The following CEP128 variants were observed in gnomAD, a reference collection of about 807,000 sequenced individuals.
CEP128 encodes the protein centrosomal protein 128, also known as centrosomal protein 128kDa.
In CEP128, 132 loss-of-function variants were observed where a neutral mutation model predicts 156.7. The ratio of observed to expected loss-of-function variants is 0.84; its 90% CI spans 0.73 to 0.97. The LOEUF (loss-of-function observed/expected upper bound fraction) is 0.97. CEP128 is among the 50% of genes least tolerant of loss of function. CEP128 has a pLI of 0.00. For missense variants in CEP128, 1,252 were observed against 1,281.9 expected (o/e 0.98, Z 0.36); for synonymous variants, 469 against 448.9 (o/e 1.04, Z -0.57).
intron 19 of CEP128, among the ~76,000 whole-genome samples, chr14:80,699,169 C>T (rs544444373): frequency 2.2e-4 from 34 of 152,260 alleles, no homozygotes; most frequent in African/African-American, 7.7e-4. Flanking sequence ...CTTAGGGATA[C>T]GTCAGCCTCT....
intron 19 of CEP128, among the ~76,000 whole-genome samples, chr14:80,710,095 C>A (rs1193804649): frequency 1.3e-5 from 2 of 151,782 alleles, no homozygotes; most frequent in African/African-American, 4.8e-5. Flanking sequence ...ATATTCTATA[C>A]CTACAACTAT....
chr14:80,530,011 G>C (rs144336507), intron 22 of CEP128, among the ~76,000 whole-genome samples: 40 of 152,152 alleles, frequency 2.6e-4, no homozygotes, highest in Non-Finnish European at 2.1e-4. Context: ...CAAATAATAT[G>C]TCAGATCTAA....
intron 14 of CEP128, among the ~76,000 whole-genome samples, chr14:80,787,054 G>T (rs1336542573): frequency 6.6e-6 from 1 of 152,182 alleles, no homozygotes; most frequent in Non-Finnish European, 1.5e-5. Context: ...AAGGGTAGAT[G>T]TATTATTTTT....
chr14:80,831,717 G>A (rs57742095), intron 12 of CEP128, among the ~76,000 whole-genome samples: 11,924 of 151,778 alleles, frequency 0.079, 501 homozygotes, highest in African/African-American at 0.099. Context: ...CTCTGATTGT[G>A]TATGACCAAC....
intron 19 of CEP128, among the ~76,000 whole-genome samples, chr14:80,734,395 CTA>C (rs1898424439): frequency 6.6e-6 from 1 of 151,922 alleles, no homozygotes; most frequent in South Asian, 2.1e-4. Flanking sequence ...CCATATGTCC[CTA>C]GTTACTCTGC....
At chr14:80,580,256 G>T in intron 20 of CEP128, 118 bp downstream of exon 20, 2 of 622,650 alleles carry the variant, frequency 3.2e-6, no homozygotes, top group Non-Finnish European at 5.6e-6. Flanking sequence ...TTATAGTTCT[G>T]ACATTGTCCT....
chr14:80,859,656 G>A (rs181413052), intron 9 of CEP128, among the ~76,000 whole-genome samples: 47 of 152,220 alleles, frequency 3.1e-4, no homozygotes, highest in Middle Eastern at 3.4e-3. Context: ...ATTCCTGGGC[G>A]TGCATGGCCC....
chr14:80,829,044 AC>A (rs1885640104), intron 13 of CEP128, among the ~76,000 whole-genome samples: 1 of 152,228 alleles, frequency 6.6e-6, no homozygotes, highest in South Asian at 2.1e-4. Flanking sequence ...CAAAGTCTGC[AC>A]GAAACATGAC....
chr14:80,783,713 A>G (rs1464038997), intron 15 of CEP128, among the ~76,000 whole-genome samples: 1 of 152,136 alleles, frequency 6.6e-6, no homozygotes, highest in Admixed American at 6.5e-5. Context: ...ACATTTGACC[A>G]TCTCTGACCT....
intron 21 of CEP128, among the ~76,000 whole-genome samples, chr14:80,554,309 A>G (rs965645626): frequency 1.8e-4 from 28 of 152,160 alleles, no homozygotes; most frequent in Admixed American, 1.8e-3. Context: ...CATTCATGTT[A>G]ATGACTAAGG....
chr14:80,951,468 C>A (rs190899623), intron 2 of CEP128, among the ~76,000 whole-genome samples: 1 of 151,984 alleles, frequency 6.6e-6, no homozygotes, highest in East Asian at 1.9e-4. Context: ...ATAACTTAAA[C>A]GTACATGCTA....
chr14:80,521,236 T>A (rs1215979132), intron 23 of CEP128, among the ~76,000 whole-genome samples: 2 of 152,130 alleles, frequency 1.3e-5, no homozygotes, highest in African/African-American at 4.8e-5. Flanking sequence ...TCTTTTGTTT[T>A]TAGTACCTAG....
chr14:80,511,543 AC>A (rs1238708598), intron 23 of CEP128, among the ~76,000 whole-genome samples: 1 of 151,948 alleles, frequency 6.6e-6, no homozygotes, highest in Non-Finnish European at 1.5e-5. Context: ...TTTCAAAAAA[AC>A]AACTTTTTGT....
In CEP128 at chr14:80,916,509, A is replaced by G; in HGVS notation, c.39T>C (p.Cys13=). 1 of 1,614,044 alleles carries G rather than the reference A, an allele frequency of 6.2e-7. No homozygotes were observed. Among genetic ancestry groups the G allele is most frequent in the Non-Finnish European group, 8.5e-7 (1 of 1,179,908 alleles). Residue 13 remains cysteine (C), a synonymous_variant, in exon 3 of 25, where the codon TGT becomes TGC. Coordinates refer to ENST00000555265, the MANE Select transcript of CEP128 (RefSeq NM_152446.5). ...ESSSESDHFR[C]RDRLSPWAAR... ...CAGCCCATGGACTCAATCGGTCACGACAGCGGAAGTGATCTGATTCGCTGG... is the reference window on the plus strand; with the variant it reads ...CAGCCCATGGACTCAATCGGTCACGGCAGCGGAAGTGATCTGATTCGCTGG...
intron 13 of CEP128, among the ~76,000 whole-genome samples, chr14:80,806,407 A>G (rs327433): frequency 0.24 from 37,113 of 152,054 alleles, 4,992 homozygotes; most frequent in East Asian, 0.48. Flanking sequence ...ATTTCTTCAG[A>G]GTGTTTAACT....
At chr14:80,909,547 T>C (rs980066515) in intron 4 of CEP128, among the ~76,000 whole-genome samples, 22 of 152,190 alleles carry the variant, frequency 1.4e-4, no homozygotes, top group African/African-American at 5.1e-4. Flanking sequence ...TCCGAAGCCA[T>C]TGAAGATGAA....
chr14:80,863,846 G>T (rs1887638589), intron 8 of CEP128, among the ~76,000 whole-genome samples: 1 of 152,108 alleles, frequency 6.6e-6, no homozygotes, highest in Admixed American at 6.5e-5. Flanking sequence ...TTATTGAATT[G>T]TACACTTAAA....
At chr14:80,605,185 G>A (rs904890191) in intron 19 of CEP128, among the ~76,000 whole-genome samples, 29 of 152,028 alleles carry the variant, frequency 1.9e-4, no homozygotes, top group African/African-American at 3.4e-4. Flanking sequence ...AAAGATCTCC[G>A]TAGCTCTGAA....
At chr14:80,855,808 C>G (rs997478989) in intron 9 of CEP128, among the ~76,000 whole-genome samples, 5 of 152,042 alleles carry the variant, frequency 3.3e-5, no homozygotes, top group African/African-American at 9.7e-5. Flanking sequence ...GTGTGATACT[C>G]GAAATATCAC....
Sources: allele counts gnomAD v4.1 joint callset (sites outside exome capture counted in the v4.1 genomes callset), GRCh38; gene constraint gnomAD v4.1.1; transcripts MANE v1.5; gene names NCBI Gene and HGNC (gene_info 2026-07-23, HGNC 2026-07-21).